ATXN1: variants seen among roughly 807,000 people sequenced by gnomAD.
The protein encoded by ATXN1 is ataxin 1.
Under a neutral mutation model 56.4 loss-of-function variants are expected in ATXN1, and 8 were observed. The observed-to-expected ratio is 0.14, with a 90% CI of 0.08 to 0.26. ATXN1 has a LOEUF of 0.26. ATXN1 is among the 10% of genes least tolerant of loss of function. ATXN1 has a pLI of 1.00. For synonymous variants in ATXN1, 514 were observed against 494.6 expected (o/e 1.04, Z -0.52); for missense variants, 987 against 1,106.5 (o/e 0.89, Z 1.53).
intron 6 of ATXN1, among the ~76,000 whole-genome samples, chr6:16,395,064 G>T (rs1758424416): frequency 6.6e-6 from 1 of 151,730 alleles, no homozygotes; most frequent in African/African-American, 2.4e-5. Context: ...CGAGATCGGG[G>T]AGTTCGAGAC....
Position 16,460,425 on chromosome 6 carries a change from T to C in ATXN1, c.-161+25547A>G, listed in dbSNP as rs578144835. Among the ~76,000 whole-genome samples, 15 of 152,290 alleles carry C rather than the reference T, an allele frequency of 9.8e-5. No individual in the cohort carries two copies. The South Asian group carries it at 1.5e-3, about 15-fold the overall frequency. ...GTAGTTGTGGCAGTGGCTATCTTAG[T>C]GTCAGAGGCTATCAAAATAATACAA... On this transcript the variant is annotated intron_variant, in intron 6 of 7. Coordinates refer to ENST00000436367, the MANE Select transcript of ATXN1 (RefSeq NM_001128164.2).
chr6:16,447,247 C>T (rs1759654688), intron 6 of ATXN1, among the ~76,000 whole-genome samples: 1 of 152,032 alleles, frequency 6.6e-6, no homozygotes, highest in Non-Finnish European at 1.5e-5. Flanking sequence ...TTTTTTGAGA[C>T]AGGGTCTCGT....
At chr6:16,678,794 G>C (rs1007679700) in intron 2 of ATXN1, among the ~76,000 whole-genome samples, 1 of 152,226 alleles carries the variant, frequency 6.6e-6, no homozygotes, top group Admixed American at 6.5e-5. Context: ...CCAGCACTTT[G>C]GGAGGCCGAG....
intron 3 of ATXN1, among the ~76,000 whole-genome samples, chr6:16,628,891 T>A (rs1763455017): frequency 6.6e-6 from 1 of 152,234 alleles, no homozygotes; most frequent in Non-Finnish European, 1.5e-5. Flanking sequence ...GTTGATTCTG[T>A]GTCTTTGCTA....
At chr6:16,622,813 C>T (rs1045490280) in intron 3 of ATXN1, among the ~76,000 whole-genome samples, 1 of 152,000 alleles carries the variant, frequency 6.6e-6, no homozygotes, top group Non-Finnish European at 1.5e-5. Flanking sequence ...CACATGTACT[C>T]TCAGAACAGA....
rs77980141 is a variant in ATXN1, at chr6:16,433,711, C to G, written c.-161+52261G>C. Among the ~76,000 whole-genome samples the G allele has an allele frequency of 8.8e-3, 1,345 of 152,300 alleles. 12 individuals carry two copies. Among genetic ancestry groups the G allele is most frequent in the Non-Finnish European group, 0.014 (922 of 68,026 alleles). ...GACAGGCAGCATGATGAAACAGGTG[C>G]ATTAAGTGCATGAAACAGAACAAAA... On this transcript the variant is annotated intron_variant, in intron 6 of 7. Transcript: ENST00000436367.
chr6:16,658,453 C>CTTGATAAA (rs3831514), intron 2 of ATXN1, among the ~76,000 whole-genome samples: 105,269 of 151,622 alleles, frequency 0.69, 37,963 homozygotes, highest in African/African-American at 0.89. Flanking sequence ...TTGTGTGATT[C>CTTGATAAA]TTGATAAATA....
At chr6:16,404,953 A>C (rs1303685511) in intron 6 of ATXN1, among the ~76,000 whole-genome samples, 1 of 152,096 alleles carries the variant, frequency 6.6e-6, no homozygotes, top group Non-Finnish European at 1.5e-5. Context: ...TTTATTGCAC[A>C]CCTAAAACAT....
At chr6:16,383,462 A>G (rs898806722) in intron 6 of ATXN1, among the ~76,000 whole-genome samples, 37 of 152,166 alleles carry the variant, frequency 2.4e-4, no homozygotes, top group African/African-American at 8.7e-4. Context: ...GCTTATGGTA[A>G]ATGCTCAATA....
At chr6:16,654,565 A>AG (rs1295942580) in intron 3 of ATXN1, among the ~76,000 whole-genome samples, 11 of 33,460 alleles carry the variant, frequency 3.3e-4, no homozygotes, top group East Asian at 8.1e-4. Context: ...AAAAAAAAAA[A>AG]AGAGAGAGAG....
intron 5 of ATXN1, among the ~76,000 whole-genome samples, chr6:16,507,254 A>G (rs1284200107): frequency 6.6e-6 from 1 of 152,222 alleles, no homozygotes; most frequent in Non-Finnish European, 1.5e-5. Flanking sequence ...ATTTTCTAAT[A>G]TATGGTATTT....
At chr6:16,566,717 A>T (rs188764407) in intron 4 of ATXN1, among the ~76,000 whole-genome samples, 3 of 151,978 alleles carry the variant, frequency 2.0e-5, no homozygotes, top group South Asian at 2.1e-4. Flanking sequence ...TTAGCCGGGC[A>T]TGGTGGTGGG....
chr6:16,656,085 T>C (rs1466286399), intron 3 of ATXN1, among the ~76,000 whole-genome samples: 1 of 95,158 alleles, frequency 1.1e-5, no homozygotes, highest in Non-Finnish European at 1.9e-5. Flanking sequence ...CAAGACTCCA[T>C]CTCAAAAAAA....
intron 2 of ATXN1, among the ~76,000 whole-genome samples, chr6:16,733,052 A>C (rs1162331086): frequency 6.6e-6 from 1 of 152,190 alleles, no homozygotes; most frequent in African/African-American, 2.4e-5. Flanking sequence ...CGATGAAAGA[A>C]TTCTCTTATT....
At chr6:16,349,516 G>GA (rs1214880382) in intron 6 of ATXN1, among the ~76,000 whole-genome samples, 6,834 of 137,378 alleles carry the variant, frequency 0.05, 355 homozygotes, top group African/African-American at 0.14. Context: ...AAGAAAGAAA[G>GA]AAAAAAAAAA....
At chr6:16,691,495 G>A (rs745980267) in intron 2 of ATXN1, among the ~76,000 whole-genome samples, 1 of 152,182 alleles carries the variant, frequency 6.6e-6, no homozygotes, top group Non-Finnish European at 1.5e-5. Context: ...AAAAGCTGAG[G>A]TATGTTAAAA....
At chr6:16,593,021 T>G (rs1762751264) in intron 3 of ATXN1, among the ~76,000 whole-genome samples, 1 of 152,212 alleles carries the variant, frequency 6.6e-6, no homozygotes, top group South Asian at 2.1e-4. Context: ...AAAGTACTGA[T>G]TGGTGCATTT....
intron 2 of ATXN1, among the ~76,000 whole-genome samples, chr6:16,715,499 T>C (rs1174291989): frequency 6.6e-6 from 1 of 152,232 alleles, no homozygotes; most frequent in Admixed American, 6.5e-5. Flanking sequence ...AGGCACTAGA[T>C]GTTTAACTCT....
rs1763325304 is a variant in ATXN1 at position 16,621,780 on chromosome 6, T to G, written c.-488-35873A>C. Among the ~76,000 whole-genome samples, 3 of 152,100 alleles carry G rather than the reference T, an allele frequency of 2.0e-5. No individual in the cohort carries two copies. The South Asian group carries it at 6.2e-4, about 31-fold the overall frequency. The stretch of plus-strand genomic sequence containing the variant: ...CCCGAAAAGAAGAAAAGATGCTCTA[T>G]GCAAAAATAAATAAATAAAAAGTCA... On this transcript the variant is annotated intron_variant, in intron 3 of 7. Coordinates refer to ENST00000436367, the MANE Select transcript of ATXN1 (RefSeq NM_001128164.2).
Sources: gnomAD v4.1 joint callset for allele counts (sites outside exome capture counted in the v4.1 genomes callset) on GRCh38, gnomAD v4.1.1 for gene constraint, MANE v1.5 for transcripts, NCBI Gene and HGNC (gene_info 2026-07-23, HGNC 2026-07-21) for gene names.